Variants in USP43 observed in about 807,000 individuals in gnomAD.
The protein encoded by USP43 is ubiquitin specific peptidase 43.
In USP43, 33 loss-of-function variants were observed where a neutral mutation model predicts 90.7. That is an observed-to-expected ratio of 0.36 (90% CI 0.28 to 0.49). The LOEUF is 0.49. Among genes scored for constraint, USP43 ranks in the 20% least tolerant of loss-of-function variants. The pLI is 0.98. For synonymous variants in USP43, 598 were observed against 615.8 expected (o/e 0.97, Z 0.43); for missense variants, 1,274 against 1,476.4 (o/e 0.86, Z 2.25).
chr17:9,711,913 G>A, intron 13 of USP43, 55 bp from the exon 14 acceptor site: 1 of 1,507,504 alleles, frequency 6.6e-7, no homozygotes, highest in East Asian at 2.4e-5. Flanking sequence ...TGCTCCGCTA[G>A]GACTCTGAAG....
intron 8 of USP43, among the ~76,000 whole-genome samples, chr17:9,687,211 T>G (rs1382199909): frequency 6.6e-6 from 1 of 152,212 alleles, no homozygotes; most frequent in Non-Finnish European, 1.5e-5. Context: ...AAACGAAATT[T>G]TTTTTTTCAC....
chr17:9,710,499 G>GTTTTT (rs1263507664), intron 13 of USP43, among the ~76,000 whole-genome samples: 1 of 106,574 alleles, frequency 9.4e-6, no homozygotes, highest in African/African-American at 4.8e-5. Flanking sequence ...AGGAAAGGTA[G>GTTTTT]CTTTTTTTTT....
At chr17:9,721,604 A>G (rs1282316147) in intron 14 of USP43, among the ~76,000 whole-genome samples, 1 of 152,158 alleles carries the variant, frequency 6.6e-6, no homozygotes, top group Non-Finnish European at 1.5e-5. Context: ...GCTTTATATC[A>G]TAACTATTAA....
At position 9,674,093 on chromosome 17, in the gene USP43, C is replaced by T. The variant is rs1043528665; in HGVS notation, c.741-798C>T. On this transcript the variant is annotated intron_variant, in intron 3 of 14. Transcript: ENST00000285199. The surrounding 1 kb of genome is among the most constrained non-coding windows in gnomAD (Gnocchi z 4.4). ...CTGGACATTGGAATTTTAAAAAAGC[C>T]TTCCTGTGGTTCTGGGGCACAGTGA... is the stretch of plus-strand genomic sequence containing the variant. 6.6e-6 allele frequency among the ~76,000 whole-genome samples: 1 copy of T among 151,998 alleles called. No homozygotes were observed. Among genetic ancestry groups the T allele is most frequent in the Non-Finnish European group, 1.5e-5 (1 of 68,020 alleles).
At chr17:9,682,762 C>G in intron 6 of USP43, 61 bp from the exon 7 acceptor site, 1 of 1,582,062 alleles carries the variant, frequency 6.3e-7, no homozygotes, top group Non-Finnish European at 8.6e-7. Context: ...GAAGCTAAGG[C>G]TCTGACCCAG....
intron 3 of USP43, among the ~76,000 whole-genome samples, chr17:9,673,022 A>G (rs910387629): frequency 1.3e-5 from 2 of 152,196 alleles, no homozygotes; most frequent in Non-Finnish European, 2.9e-5. Flanking sequence ...TTATCCCGGT[A>G]ATGTCATACA....
rs570919939 is a variant in USP43 at position 9,724,661 on chromosome 17, C to A, written c.2336-3293C>A. The stretch of plus-strand genomic sequence containing the variant: ...CACCACTGGACTGCAGCCTGGGGGA[C>A]AAGAGCGAGACTCTGTCTCAAGAAA... On this transcript the variant is annotated intron_variant, in intron 14 of 14. Transcript: ENST00000285199. Among the ~76,000 whole-genome samples, 4 of 152,244 alleles carry A rather than the reference C, an allele frequency of 2.6e-5. No homozygotes were observed. The South Asian group carries it at 8.3e-4, about 32-fold the overall frequency.
intron 5 of USP43, among the ~76,000 whole-genome samples, chr17:9,678,072 G>A (rs1448609144): frequency 6.6e-6 from 1 of 152,126 alleles, no homozygotes; most frequent in African/African-American, 2.4e-5. Flanking sequence ...GGGGACAGTG[G>A]GTGAGAGTCC....
At chr17:9,654,611 T>C (rs907560690) in intron 1 of USP43, among the ~76,000 whole-genome samples, 20 of 150,458 alleles carry the variant, frequency 1.3e-4, no homozygotes, top group African/African-American at 4.7e-4. Flanking sequence ...ATCATGCCAT[T>C]GCACTCTAGC....
At chr17:9,715,560 G>C (rs2151997238) in intron 14 of USP43, among the ~76,000 whole-genome samples, 1 of 151,870 alleles carries the variant, frequency 6.6e-6, no homozygotes. Flanking sequence ...CTTTGTGTGT[G>C]TGTGTCTCTG....
chr17:9,700,628 A>G (rs977057817), intron 10 of USP43, among the ~76,000 whole-genome samples: 3 of 152,144 alleles, frequency 2.0e-5, no homozygotes, highest in African/African-American at 7.2e-5. Context: ...TACTCCTGTA[A>G]TCCACATTTC....
rs11653804 is a variant in USP43 at position 9,656,781 on chromosome 17, T to C, written c.636+247T>C. 3.3e-3 allele frequency among the ~76,000 whole-genome samples: 498 copies of C among 152,360 alleles called. 2 individuals carry two copies. The highest frequency in any genetic ancestry group is 6.8e-3 in the Middle Eastern group (2 of 294). On this transcript the variant is annotated intron_variant, in intron 2 of 14. Coordinates refer to ENST00000285199, the MANE Select transcript of USP43 (RefSeq NM_153210.5). ...TGATATAATGAATAGAGTTTCATTT[T>C]GGCTCAAAATAAGAAAAGTCTTTTC...
At chr17:9,648,927 CTG>C (rs1422559619) in intron 1 of USP43, among the ~76,000 whole-genome samples, 1 of 146,006 alleles carries the variant, frequency 6.8e-6, no homozygotes, top group African/African-American at 2.7e-5. Context: ...CCCACTCTTT[CTG>C]TCTCTCTCCC....
At position 9,697,299 on chromosome 17, in the gene USP43, A is replaced by G. The variant is rs538200517; in HGVS notation, c.1458-2873A>G. On this transcript the variant is annotated intron_variant, in intron 9 of 14. Transcript: ENST00000285199. ...TTATTATTCATTTATTTTTATTTCT[A>G]TAACTTTCTTGGGTGAATGTTGTCT... Among the ~76,000 whole-genome samples the G allele has an allele frequency of 1.1e-4, 16 of 152,214 alleles. No individual in the cohort carries two copies. The South Asian group carries it at 2.1e-3, about 20-fold the overall frequency.
intron 8 of USP43, among the ~76,000 whole-genome samples, chr17:9,687,981 T>TTTTG (rs1379512201): frequency 1.3e-5 from 2 of 152,174 alleles, no homozygotes; most frequent in Non-Finnish European, 2.9e-5. Flanking sequence ...ACTATGCTTT[T>TTTTG]TTTGTTTGTT....
At chr17:9,662,505 C>A (rs1047747629) in intron 2 of USP43, among the ~76,000 whole-genome samples, 1 of 152,164 alleles carries the variant, frequency 6.6e-6, no homozygotes. Flanking sequence ...TCCTCCACTC[C>A]CACAGTTGGG....
chr17:9,687,205 G>A lies in USP43; in HGVS notation c.1353+296G>A, dbSNP rs371186296. Among the ~76,000 whole-genome samples the A allele has an allele frequency of 2.2e-4, 33 of 152,088 alleles. 1 individual carries two copies. In the South Asian group the frequency reaches 6.0e-3, roughly 28 times the overall value. On this transcript the variant is annotated intron_variant, in intron 8 of 14. Transcript: ENST00000285199. ...GGGAAAATGGCATTTACATTAAAAC[G>A]AAATTTTTTTTTTCACATTTTCCAT...
rs1368616486 is a variant in USP43, at chr17:9,712,116, C to T, written c.2319C>T (p.Leu773=). 2 of 1,594,436 alleles carry T rather than the reference C, an allele frequency of 1.3e-6. No individual in the cohort carries two copies. Among genetic ancestry groups the T allele is most frequent in the East Asian group, 4.5e-5 (2 of 44,120 alleles). The part of the protein sequence containing the change: ...VPDSPIFTNS[L]CNQEKGGLEP... ...ACTCTCCCATCTTCACCAACAGCCT[C>T]TGCAATCAGGAAAAGGGTATGTTGG... The change falls in exon 14 of 15, where the codon CTC becomes CTT. Residue 773 remains leucine, a synonymous_variant. Coordinates refer to ENST00000285199, the MANE Select transcript of USP43 (RefSeq NM_153210.5).
At chr17:9,697,618 G>A (rs551637183) in intron 9 of USP43, among the ~76,000 whole-genome samples, 2 of 151,530 alleles carry the variant, frequency 1.3e-5, no homozygotes, top group South Asian at 2.1e-4. Flanking sequence ...ATTCACTTAG[G>A]ATAATGGCCT....
Sources: gnomAD v4.1 joint callset for allele counts (sites outside exome capture counted in the v4.1 genomes callset) on GRCh38, gnomAD v4.1.1 for gene constraint, Gnocchi (gnomAD v3.1) non-coding constraint, MANE v1.5 for transcripts, NCBI Gene and HGNC (gene_info 2026-07-23, HGNC 2026-07-21) for gene names.